TFG: variants seen among roughly 807,000 people sequenced by gnomAD.
TFG encodes protein TFG.
In TFG, 22 loss-of-function variants were observed where a neutral mutation model predicts 51.4. The observed-to-expected ratio is 0.43, with a 90% confidence interval of 0.31 to 0.61. TFG has a LOEUF of 0.61. TFG is among the 20% of genes least tolerant of loss of function. The probability of loss-of-function intolerance (pLI) is 0.12; values close to 1 mark genes in which losing one functional copy is unlikely to be tolerated. For synonymous variants in TFG, 187 were observed against 165.6 expected, an observed-to-expected ratio of 1.13 and a Z score of -0.99; for missense variants, 419 against 487.7, an observed-to-expected ratio of 0.86 and a Z score of 1.33.
intron 6 of TFG, among the ~76,000 whole-genome samples, chr3:100,742,140 CTTAA>C (rs1307668827): frequency 1.3e-5 from 2 of 152,084 alleles, no homozygotes; most frequent in African/African-American, 2.4e-5. Flanking sequence ...AAACAGACTT[CTTAA>C]TTAATTTTCA....
At chr3:100,720,102 T>A in intron 3 of TFG, 44 bp downstream of exon 3, 1 of 1,247,190 alleles carries the variant, frequency 8.0e-7, no homozygotes, top group Non-Finnish European at 1.1e-6. Flanking sequence ...TTATTCATTG[T>A]ATTTTAAAGA....
intron 1 of TFG, among the ~76,000 whole-genome samples, chr3:100,711,831 G>A (rs6777763): frequency 0.37 from 56,630 of 151,876 alleles, 10,770 homozygotes; most frequent in South Asian, 0.49. Context: ...TACCATCTTG[G>A]TGAAGTAATT....
chr3:100,744,786 C>A, intron 6 of TFG, 47 bp from the exon 7 acceptor site: 2 of 1,283,782 alleles, frequency 1.6e-6, no homozygotes, highest in Non-Finnish European at 1.1e-6. Context: ...CTCTTTGCCA[C>A]ATTAAACATG....
At chr3:100,710,031 C>G (rs1167618398) in intron 1 of TFG, 1 of 152,272 alleles carries the variant, frequency 6.6e-6, no homozygotes, top group East Asian at 1.9e-4. Context: ...AGTGCGCCAG[C>G]TAATGCCTTG....
At chr3:100,713,533 GGGGATAATGAA>G (rs1266241773) in intron 1 of TFG, 99 bp from the exon 2 acceptor site, 1 of 443,486 alleles carries the variant, frequency 2.3e-6, no homozygotes, top group African/African-American at 2.0e-5. Flanking sequence ...ATGGTAACAT[GGGGATAATGAA>G]TCTTTTGGAG....
chr3:100,728,417 A>G (rs1328421624), intron 3 of TFG, among the ~76,000 whole-genome samples: 2 of 151,816 alleles, frequency 1.3e-5, no homozygotes, highest in Admixed American at 1.3e-4. Flanking sequence ...GATTTTTATT[A>G]AATTTAATCA....
chr3:100,748,178 C>G lies in TFG; in HGVS notation c.850C>G (p.Gln284Glu), dbSNP rs760894126. Residue 284 changes from glutamine (Q) to glutamate (E), a missense_variant, in exon 8 of 8, where the codon CAA becomes GAA. Physicochemically the swap from Gln to Glu is conservative, Grantham distance 29. Transcript: ENST00000240851. ...CTATAGTCAGCAGACTGGACCTCAACAACCTCAGCAGTTCCAGGGATATGG... is the reference window on the plus strand; with the variant it reads ...CTATAGTCAGCAGACTGGACCTCAAGAACCTCAGCAGTTCCAGGGATATGG... ...ASYSQQTGPQ[Q>E]PQQFQGYGQQ... The G allele has an allele frequency of 5.0e-6, 8 of 1,614,042 alleles. No individual in the cohort carries two copies. The highest frequency in any genetic ancestry group is 5.9e-6 in the Non-Finnish European group (7 of 1,179,944).
At position 100,725,622 on chromosome 3, in the gene TFG, CAAAAA is replaced by C. The variant is rs763163559; in HGVS notation, c.269-3071_269-3067del. On this transcript the variant is annotated intron_variant, in intron 3 of 7. Transcript: ENST00000240851. ...CGAAACTCCGTCTCTACCAAAAATA[CAAAAA>C]AAAAAAAAAAAAAAAAAATTAGCTG... 9.0e-3 allele frequency among the ~76,000 whole-genome samples: 751 copies of C among 83,490 alleles called. 15 individuals are homozygous for C. Among genetic ancestry groups the C allele is most frequent in the African/African-American group, 0.033 (717 of 21,444 alleles). The allele number at this position is 83,490 out of a possible 152,430, so 54.8% of individuals were successfully genotyped here.
At chr3:100,724,384 A>G (rs769126767) in intron 3 of TFG, among the ~76,000 whole-genome samples, 52 of 152,320 alleles carry the variant, frequency 3.4e-4, no homozygotes, top group Middle Eastern at 3.4e-3. Context: ...AAAAATTTAT[A>G]TATACCATGA....
At position 100,736,684 on chromosome 3, in the gene TFG, C is replaced by G. The variant is rs1170208575; in HGVS notation, c.689C>G (p.Thr230Arg). 6.2e-7 allele frequency: 1 copy of G among 1,613,974 alleles called. No homozygotes were observed. The highest frequency in any genetic ancestry group is 2.2e-5 in the East Asian group (1 of 44,868). ...PGVQPQQPPYTGAQTQAGQIE... is the reference protein window; with the variant it reads ...PGVQPQQPPYRGAQTQAGQIE... ...GTTCAGCCACAGCAGCCACCATATA[C>G]AGGAGCTCAGACTCAAGCAGGTCAG... is the stretch of plus-strand genomic sequence containing the variant. The change falls in exon 6 of 8, where the codon ACA becomes AGA. Residue 230 changes from threonine to arginine, a missense_variant. Coordinates refer to ENST00000240851, the MANE Select transcript of TFG (RefSeq NM_006070.6).
At position 100,721,628 on chromosome 3, in the gene TFG, C is replaced by A. The variant is rs941605948; in HGVS notation, c.268+1570C>A. On this transcript the variant is annotated intron_variant, in intron 3 of 7. Coordinates refer to ENST00000240851, the MANE Select transcript of TFG (RefSeq NM_006070.6). Reference sequence around the variant, plus strand: ...GGTAACTCCCAAGCCCAGATGTTACCATTTTAGAAAAATCTCAGAAGAAAG... The same window carrying A: ...GGTAACTCCCAAGCCCAGATGTTACAATTTTAGAAAAATCTCAGAAGAAAG... Among the ~76,000 whole-genome samples, 4 of 152,136 alleles carry A rather than the reference C, an allele frequency of 2.6e-5. No homozygotes were observed. In the East Asian group the frequency reaches 7.7e-4, roughly 29 times the overall value.
At chr3:100,722,521 A>G (rs2149069981) in intron 3 of TFG, among the ~76,000 whole-genome samples, 1 of 152,332 alleles carries the variant, frequency 6.6e-6, no homozygotes, top group East Asian at 1.9e-4. Context: ...CCTCAGATTC[A>G]GAAGGCACGG....
chr3:100,743,356 A>G (rs1357701965), intron 6 of TFG: 4 of 152,058 alleles, frequency 2.6e-5, no homozygotes, highest in African/African-American at 9.7e-5. Flanking sequence ...ATATTTCTGT[A>G]CCTACTTACC....
At chr3:100,717,093 T>C (rs1436844826) in intron 2 of TFG, among the ~76,000 whole-genome samples, 1 of 152,216 alleles carries the variant, frequency 6.6e-6, no homozygotes, top group African/African-American at 2.4e-5. Context: ...TGAGGTCTTA[T>C]TCATGAAATC....
intron 5 of TFG, among the ~76,000 whole-genome samples, chr3:100,734,532 A>G (rs949113526): frequency 3.3e-5 from 5 of 152,090 alleles, no homozygotes. Context: ...AGCGCTTTTA[A>G]TTCTTATCCA....
At chr3:100,723,319 A>G (rs1189976328) in intron 3 of TFG, among the ~76,000 whole-genome samples, 1 of 152,268 alleles carries the variant, frequency 6.6e-6, no homozygotes, top group East Asian at 1.9e-4. Context: ...TTGTCAGGAA[A>G]GGAGAAAAAA....
chr3:100,722,297 A>T (rs2095063106), intron 3 of TFG, among the ~76,000 whole-genome samples: 1 of 152,274 alleles, frequency 6.6e-6, no homozygotes, highest in Non-Finnish European at 1.5e-5. Flanking sequence ...TAGGTTAAAC[A>T]CATTAGTCAT....
At chr3:100,722,628 A>T (rs1559710027) in intron 3 of TFG, among the ~76,000 whole-genome samples, 2 of 152,236 alleles carry the variant, frequency 1.3e-5, no homozygotes, top group Non-Finnish European at 2.9e-5. Flanking sequence ...CCTTAAAAGT[A>T]GCCAGAGAGA....
chr3:100,744,785 A>G (rs2095130427), intron 6 of TFG, 48 bp from the exon 7 acceptor site: 2 of 1,257,422 alleles, frequency 1.6e-6, no homozygotes, highest in African/African-American at 2.9e-5. Flanking sequence ...TCTCTTTGCC[A>G]CATTAAACAT....
Sources: gnomAD v4.1 joint callset for allele counts (sites outside exome capture counted in the v4.1 genomes callset) on GRCh38, gnomAD v4.1.1 for gene constraint, MANE v1.5 for transcripts, NCBI Gene and HGNC (gene_info 2026-07-23, HGNC 2026-07-21) for gene names.